PLCB1: variants seen among roughly 807,000 people sequenced by gnomAD.
The protein encoded by PLCB1 is phospholipase C beta 1.
Under a neutral mutation model 161.8 loss-of-function variants are expected in PLCB1, and 46 were observed. That is an observed-to-expected ratio of 0.28 (90% confidence interval 0.22 to 0.36). The LOEUF (loss-of-function observed/expected upper bound fraction) is 0.36, where lower values mean the gene tolerates loss of function less well. PLCB1 is among the 10% of genes least tolerant of loss of function. PLCB1 has a pLI of 1.00. For missense variants in PLCB1, 1,016 were observed against 1,472.5 expected (o/e 0.69, Z 5.07); for synonymous variants, 517 against 503.7 (o/e 1.03, Z -0.35).
At chr20:8,230,583 A>G (rs1799025008) in intron 2 of PLCB1, among the ~76,000 whole-genome samples, 1 of 152,164 alleles carries the variant, frequency 6.6e-6, no homozygotes, top group Non-Finnish European at 1.5e-5. Flanking sequence ...AGCTCTATCT[A>G]AAGTGGTAGG....
intron 3 of PLCB1, among the ~76,000 whole-genome samples, chr20:8,417,054 C>CATATAT (rs1568667963): frequency 0.011 from 423 of 37,994 alleles, no homozygotes; most frequent in Non-Finnish European, 0.018. Context: ...CACACACACA[C>CATATAT]ATATATATAT....
chr20:8,506,300 A>C (rs1000624237), intron 3 of PLCB1, among the ~76,000 whole-genome samples: 6 of 152,242 alleles, frequency 3.9e-5, no homozygotes, highest in African/African-American at 1.4e-4. Flanking sequence ...TTGCTAATCT[A>C]ATAATAAGTC....
intron 3 of PLCB1, among the ~76,000 whole-genome samples, chr20:8,461,639 A>C (rs1981580350): frequency 6.6e-6 from 1 of 152,140 alleles, no homozygotes; most frequent in African/African-American, 2.4e-5. Flanking sequence ...CCCTGTGTGG[A>C]CATAGTTGCA....
intron 3 of PLCB1, among the ~76,000 whole-genome samples, chr20:8,604,121 C>T (rs1987684004): frequency 6.6e-6 from 1 of 151,928 alleles, no homozygotes; most frequent in African/African-American, 2.4e-5. Context: ...GGTATGGTGG[C>T]ATGTGCCTGT....
chr20:8,471,544 C>T (rs1982053859), intron 3 of PLCB1, among the ~76,000 whole-genome samples: 1 of 152,066 alleles, frequency 6.6e-6, no homozygotes, highest in African/African-American at 2.4e-5. Context: ...AGGATCCTGA[C>T]ATTTTATGAA....
chr20:8,169,322 C>T (rs912727513), intron 2 of PLCB1, among the ~76,000 whole-genome samples: 29 of 152,104 alleles, frequency 1.9e-4, no homozygotes, highest in African/African-American at 6.0e-4. Flanking sequence ...CTGCCTTGAA[C>T]ACTATGTATC....
chr20:8,492,431 G>A (rs1982985115), intron 3 of PLCB1, among the ~76,000 whole-genome samples: 1 of 151,986 alleles, frequency 6.6e-6, no homozygotes, highest in Non-Finnish European at 1.5e-5. Context: ...ATCAGAGAAA[G>A]TTTTATGGGT....
intron 3 of PLCB1, among the ~76,000 whole-genome samples, chr20:8,606,764 G>T (rs1987769903): frequency 1.3e-5 from 2 of 152,112 alleles, no homozygotes. Flanking sequence ...TATCCTTGTT[G>T]TGATAGATTG....
intron 23 of PLCB1, chr20:8,751,083 C>T: frequency 4.6e-6 from 1 of 218,034 alleles, no homozygotes; most frequent in Non-Finnish European, 9.4e-6. Flanking sequence ...CTACAGGCGC[C>T]CACCACCAAG....
At chr20:8,485,359 C>T (rs1568694419) in intron 3 of PLCB1, among the ~76,000 whole-genome samples, 2 of 152,180 alleles carry the variant, frequency 1.3e-5, no homozygotes, top group Non-Finnish European at 2.9e-5. Context: ...TCCAGAGTTT[C>T]CCTTGTTCTC....
intron 2 of PLCB1, among the ~76,000 whole-genome samples, chr20:8,300,714 G>C (rs1983870831): frequency 6.6e-6 from 1 of 152,070 alleles, no homozygotes; most frequent in Non-Finnish European, 1.5e-5. Context: ...AGCCTCATGA[G>C]AGCCCAGAGA....
chr20:8,174,332 C>T (rs2051761481), intron 2 of PLCB1, among the ~76,000 whole-genome samples: 1 of 152,204 alleles, frequency 6.6e-6, no homozygotes, highest in Non-Finnish European at 1.5e-5. Context: ...GGCAGTGCAT[C>T]TTTCAATGGC....
chr20:8,765,887 C>G (rs901156141), intron 26 of PLCB1, among the ~76,000 whole-genome samples: 6 of 152,220 alleles, frequency 3.9e-5, no homozygotes, highest in South Asian at 2.1e-4. Flanking sequence ...ACCAGGTTGC[C>G]CAGCTGGTCT....
chr20:8,256,471 A>G (rs1202385015), intron 2 of PLCB1, among the ~76,000 whole-genome samples: 1 of 152,110 alleles, frequency 6.6e-6, no homozygotes, highest in Non-Finnish European at 1.5e-5. Flanking sequence ...ACAGGGCTCC[A>G]AGACAATGGA....
At chr20:8,750,946 T>TTTTG in intron 23 of PLCB1, 1 of 990,614 alleles carries the variant, frequency 1.0e-6, no homozygotes. Flanking sequence ...TTTTTTTTTT[T>TTTTG]TTTTTTTGAG....
intron 3 of PLCB1, among the ~76,000 whole-genome samples, chr20:8,614,655 C>T (rs907071596): frequency 6.6e-6 from 1 of 150,628 alleles, no homozygotes; most frequent in Admixed American, 6.6e-5. Flanking sequence ...TACAACTGCA[C>T]CATTCAACTT....
At chr20:8,510,571 A>C (rs1253619452) in intron 3 of PLCB1, among the ~76,000 whole-genome samples, 2 of 151,468 alleles carry the variant, frequency 1.3e-5, no homozygotes, top group East Asian at 3.9e-4. Context: ...TTGTATTTTT[A>C]GTAGAGGCGA....
intron 3 of PLCB1, among the ~76,000 whole-genome samples, chr20:8,620,355 G>A (rs527679112): frequency 3.0e-4 from 45 of 152,092 alleles, no homozygotes; most frequent in African/African-American, 1.0e-3. Context: ...TCATCCCACA[G>A]TTTGGAAAAC....
chr20:8,594,193 G>A (rs1279251126), intron 3 of PLCB1, among the ~76,000 whole-genome samples: 1 of 152,112 alleles, frequency 6.6e-6, no homozygotes, highest in African/African-American at 2.4e-5. Context: ...GAACCCTCAT[G>A]CCTAGCCCAG....
Sources: allele counts gnomAD v4.1 joint callset (sites outside exome capture counted in the v4.1 genomes callset), GRCh38; gene constraint gnomAD v4.1.1; transcripts MANE v1.5; gene names NCBI Gene and HGNC (gene_info 2026-07-23, HGNC 2026-07-21).